ELAC2: variants seen among roughly 807,000 people sequenced by gnomAD.
ELAC2 encodes the protein elaC ribonuclease Z 2, also known as zinc phosphodiesterase ELAC protein 2.
Under a neutral mutation model 105.2 loss-of-function variants are expected in ELAC2, and 92 were observed. The observed-to-expected ratio is 0.87, with a 90% CI of 0.74 to 1.04. ELAC2 has a LOEUF of 1.04. ELAC2 is among the 50% of genes least tolerant of loss of function. The pLI is 0.00. For synonymous variants in ELAC2, 468 were observed against 409.1 expected (o/e 1.14, Z -1.74); for missense variants, 1,099 against 1,071.7 (o/e 1.03, Z -0.36).
At chr17:13,015,680 GA>G (rs1326776116) in intron 4 of ELAC2, 87 bp downstream of exon 4, 1 of 1,131,854 alleles carries the variant, frequency 8.8e-7, no homozygotes, top group Admixed American at 1.7e-5. Context: ...CTGGAGGGCA[GA>G]AGACTGATTT....
At chr17:13,011,542 G>A in intron 7 of ELAC2, 121 bp downstream of exon 7, 2 of 1,531,370 alleles carry the variant, frequency 1.3e-6, no homozygotes, top group Non-Finnish European at 9.0e-7. Flanking sequence ...AGTAAGCCCA[G>A]GAAGAAGGAT....
At chr17:13,014,979 T>C (rs4792313) in intron 4 of ELAC2, among the ~76,000 whole-genome samples, 42,243 of 152,152 alleles carry the variant, frequency 0.28, 6,054 homozygotes, top group Middle Eastern at 0.33. Flanking sequence ...AGTCAGCCCA[T>C]GCAGCTGCAG....
At position 12,995,711 on chromosome 17, in the gene ELAC2, G is replaced by C. The variant is rs757412638; in HGVS notation, c.1800C>G (p.His600Gln). ...CTGCCCTGGATGCTCACCTGATGTG[G>C]TGCAGGACCTCCTGGCACTGGTTGT... ...QYHNQCQEVL[H>Q]HISMIPAKCL... The change falls in exon 19 of 24, where the codon CAC becomes CAG. Residue 600 changes from histidine (H) to glutamine (Q), a missense_variant. Physicochemically the swap from His to Gln is conservative, Grantham distance 24. Coordinates refer to ENST00000338034, the MANE Select transcript of ELAC2 (RefSeq NM_018127.7). 10 of 1,610,702 alleles carry C rather than the reference G, an allele frequency of 6.2e-6. No individual in the cohort carries two copies. The highest frequency in any genetic ancestry group is 1.7e-5 in the Admixed American group (1 of 59,668).
At chr17:13,017,485 G>A in intron 1 of ELAC2, 2 of 1,004,884 alleles carry the variant, frequency 2.0e-6, no homozygotes, top group Non-Finnish European at 2.8e-6. Context: ...GTTGGGAAAA[G>A]GACGCTCAGA....
intron 11 of ELAC2, chr17:13,003,972 C>A: frequency 4.3e-6 from 1 of 233,660 alleles, no homozygotes. Context: ...TCCTGCACCT[C>A]CAATGCCACC....
Position 13,010,651 on chromosome 17 carries a change from C to G in ELAC2, c.700G>C (p.Val234Leu), listed in dbSNP as rs142803912. 17 of 1,614,114 alleles carry G rather than the reference C, an allele frequency of 1.1e-5. No homozygotes were observed. Reference sequence around the variant, plus strand: ...GCTACGACCAGGGAAGAGTCCCTGACCCCTCTTCTCTGGCTAACACCTGAG... The same window carrying G: ...GCTACGACCAGGGAAGAGTCCCTGAGCCCTCTTCTCTGGCTAACACCTGAG... ...LPHGVSQRRG[V>L]RDSSLVVAFI... Residue 234 changes from valine to leucine, a missense_variant, in exon 8 of 24, where the codon GTC becomes CTC. Physicochemically the swap from Val to Leu is conservative, Grantham distance 32 (BLOSUM62 1). Transcript: ENST00000338034.
chr17:12,995,745 T>C lies in ELAC2; in HGVS notation c.1766A>G (p.Gln589Arg). ...CTCCTGGCACTGGTTGTGGTACTGC[T>C]GGAGCCAGGCTTTGAGCTGGTTGGG... Reference protein sequence around the residue: ...VAPNQLKAWLQQYHNQCQEVL... With the variant: ...VAPNQLKAWLRQYHNQCQEVL... Residue 589 changes from glutamine (Q) to arginine (R), a missense_variant, in exon 19 of 24, where the codon CAG (glutamine) becomes CGG (arginine). By Grantham distance (43) the Gln-to-Arg change is conservative. Coordinates refer to ENST00000338034, the MANE Select transcript of ELAC2 (RefSeq NM_018127.7). 6.2e-7 allele frequency: 1 copy of C among 1,613,112 alleles called. No individual in the cohort carries two copies. The highest frequency in any genetic ancestry group is 8.5e-7 in the Non-Finnish European group (1 of 1,179,644).
At position 13,011,651 on chromosome 17, in the gene ELAC2, T is replaced by G; in HGVS notation, c.679+12A>C. 6.2e-7 allele frequency: 1 copy of G among 1,614,162 alleles called. No individual in the cohort carries two copies. The highest frequency in any genetic ancestry group is 8.5e-7 in the Non-Finnish European group (1 of 1,180,038). On this transcript the variant is annotated intron_variant, in intron 7 of 23. Coordinates refer to ENST00000338034, the MANE Select transcript of ELAC2 (RefSeq NM_018127.7). Reference sequence around the variant, plus strand: ...AAGCCTTTCTGCTGCTCTGTTTTGTTTATACTATTACCATGTGGAAGGTGT... The same window carrying G: ...AAGCCTTTCTGCTGCTCTGTTTTGTGTATACTATTACCATGTGGAAGGTGT...
chr17:12,993,629 G>A, intron 23 of ELAC2, 58 bp downstream of exon 23: 4 of 1,611,646 alleles, frequency 2.5e-6, no homozygotes, highest in East Asian at 2.2e-5. Context: ...TACTCAGTGT[G>A]TAGAGTCCTG....
chr17:12,994,651 G>C (rs1275492564), intron 21 of ELAC2, 113 bp downstream of exon 21: 1 of 1,600,278 alleles, frequency 6.2e-7, no homozygotes, highest in Non-Finnish European at 8.5e-7. Flanking sequence ...CTGAGGGTGG[G>C]GACCTGAGTC....
intron 16 of ELAC2, among the ~76,000 whole-genome samples, chr17:12,997,358 A>C (rs7215456): frequency 0.27 from 40,692 of 152,056 alleles, 5,702 homozygotes; most frequent in Middle Eastern, 0.33. Flanking sequence ...GGCCTCCTTC[A>C]TTCTCTGGGA....
intron 14 of ELAC2, 106 bp from the exon 15 acceptor site, chr17:13,000,380 G>C: frequency 1.9e-6 from 2 of 1,066,362 alleles, no homozygotes; most frequent in Non-Finnish European, 2.9e-6. Flanking sequence ...TCTGCAGGAA[G>C]TTCCTTCAGA....
Position 12,992,776 on chromosome 17 carries a change from C to T in ELAC2, c.*42G>A. Reference sequence around the variant, plus strand: ...GGCAGATACGGGTGCGTGCGTGGGGCAGAAGACACACAGCCTTCTGAGTTC... The same window carrying T: ...GGCAGATACGGGTGCGTGCGTGGGGTAGAAGACACACAGCCTTCTGAGTTC... On this transcript the variant is annotated 3_prime_UTR_variant, in exon 24 of 24. Coordinates refer to ENST00000338034, the MANE Select transcript of ELAC2 (RefSeq NM_018127.7). The T allele has an allele frequency of 6.2e-7, 1 of 1,610,084 alleles. No individual in the cohort carries two copies. The highest frequency in any genetic ancestry group is 8.5e-7 in the Non-Finnish European group (1 of 1,176,988).
At chr17:13,013,097 A>T (rs2041511526) in intron 6 of ELAC2, 110 bp downstream of exon 6, 1 of 1,252,746 alleles carries the variant, frequency 8.0e-7, no homozygotes. Context: ...AATCATGCTC[A>T]GAACACAAAA....
At chr17:13,016,202 C>A (rs1295910734) in intron 3 of ELAC2, among the ~76,000 whole-genome samples, 1 of 152,240 alleles carries the variant, frequency 6.6e-6, no homozygotes, top group Non-Finnish European at 1.5e-5. Flanking sequence ...CAAGCCCACA[C>A]AATTTGGCTG....
intron 13 of ELAC2, 28 bp from the exon 14 acceptor site, chr17:13,002,387 GAGAA>G (rs765166770): frequency 2.5e-6 from 4 of 1,614,200 alleles, no homozygotes; most frequent in South Asian, 2.2e-5. Context: ...CATTCATGGA[GAGAA>G]AGAGAGGGGA....
Position 12,995,759 on chromosome 17 carries a change from G to A in ELAC2, c.1752C>T (p.Leu584=). The part of the protein sequence containing the change: ...HPLLVVAPNQ[L]KAWLQQYHNQ... ...TGTGGTACTGCTGGAGCCAGGCTTT[G>A]AGCTGGTTGGGGGCAACCACCAGCA... Residue 584 remains leucine, a synonymous_variant, in exon 19 of 24, where the codon CTC becomes CTT. Transcript: ENST00000338034. 1.9e-6 allele frequency: 3 copies of A among 1,613,110 alleles called. No individual in the cohort carries two copies. The highest frequency in any genetic ancestry group is 2.5e-6 in the Non-Finnish European group (3 of 1,179,616).
chr17:13,001,060 C>T (rs968512007), intron 14 of ELAC2, among the ~76,000 whole-genome samples: 1 of 152,184 alleles, frequency 6.6e-6, no homozygotes, highest in African/African-American at 2.4e-5. Context: ...GGGCCCGAGT[C>T]TTGCTAGTAT....
chr17:13,016,796 T>C (rs981158364), intron 3 of ELAC2, 66 bp downstream of exon 3: 8 of 1,369,586 alleles, frequency 5.8e-6, no homozygotes, highest in Non-Finnish European at 5.9e-6. Flanking sequence ...CTTGGAAAAA[T>C]GGTAAAGCCG....
Sources: gnomAD v4.1 joint callset for allele counts (sites outside exome capture counted in the v4.1 genomes callset) on GRCh38, gnomAD v4.1.1 for gene constraint, MANE v1.5 for transcripts, NCBI Gene and HGNC (gene_info 2026-07-23, HGNC 2026-07-21) for gene names.